The following MOBP variants were observed in gnomAD, a reference collection of about 807,000 sequenced individuals.
The protein encoded by MOBP is myelin associated oligodendrocyte basic protein.
Under a neutral mutation model 15.0 loss-of-function variants are expected in MOBP, and 5 were observed. The observed-to-expected ratio is 0.33, with a 90% CI of 0.17 to 0.70. The LOEUF is 0.70. MOBP is among the 30% of genes least tolerant of loss of function. MOBP has a pLI of 0.67. For missense variants in MOBP, 188 were observed against 257.8 expected (o/e 0.73, Z 1.85); for synonymous variants, 88 against 99.0 (o/e 0.89, Z 0.66).
At chr3:39,506,606 C>T (rs962249313), downstream of MOBP, among the ~76,000 whole-genome samples, 1 of 152,166 alleles carries the variant, frequency 6.6e-6, no homozygotes, top group African/African-American at 2.4e-5. Context: ...TATTTATACA[C>T]CAGTTCTCGT....
chr3:39,499,947 A>G (rs1310212389), intron 2 of MOBP: 1 of 446,216 alleles, frequency 2.2e-6, no homozygotes, highest in Non-Finnish European at 4.5e-6. Flanking sequence ...CTCTAGCCCA[A>G]CATATTGCCC....
At chr3:39,528,394 G>GGA (rs2043357241), downstream of MOBP, 2 of 151,800 alleles carry the variant, frequency 1.3e-5, no homozygotes, top group African/African-American at 2.4e-5. Flanking sequence ...TCAAGCTAGG[G>GGA]AAAAAAAATC....
chr3:39,514,968 G>A (rs1282051405), exon 5 of MOBP: 2 of 322 alleles, frequency 6.2e-3, no homozygotes, highest in African/African-American at 0.05. Flanking sequence ...GTGTGTGCGT[G>A]TGTGTGTGTG....
chr3:39,483,972 G>C (rs946411), intron 2 of MOBP, among the ~76,000 whole-genome samples: 2 of 152,142 alleles, frequency 1.3e-5, no homozygotes, highest in Non-Finnish European at 2.9e-5. Flanking sequence ...CAGTGTCAAC[G>C]TTCGTTCATT....
At chr3:39,473,547 A>G (rs1045221965) in intron 1 of MOBP, among the ~76,000 whole-genome samples, 2 of 152,102 alleles carry the variant, frequency 1.3e-5, no homozygotes, top group African/African-American at 4.8e-5. Flanking sequence ...CTGGTCCTGG[A>G]GGGATAAGGG....
intron 1 of MOBP, among the ~76,000 whole-genome samples, chr3:39,475,362 C>G (rs1433557709): frequency 6.6e-6 from 1 of 152,048 alleles, no homozygotes; most frequent in Non-Finnish European, 1.5e-5. Flanking sequence ...AGTGATTATT[C>G]TTTTCTTTTT....
intron 2 of MOBP, among the ~76,000 whole-genome samples, chr3:39,492,660 T>G (rs999006319): frequency 1.3e-5 from 2 of 152,214 alleles, no homozygotes; most frequent in African/African-American, 2.4e-5. Context: ...TGAAATTTCT[T>G]TCTTAAGTAT....
intron 2 of MOBP, among the ~76,000 whole-genome samples, chr3:39,484,653 G>T (rs1050411783): frequency 6.6e-6 from 1 of 152,178 alleles, no homozygotes; most frequent in Non-Finnish European, 1.5e-5. Context: ...AGGGTATCAT[G>T]TTATTTACAT....
At chr3:39,479,199 A>G (rs188499497) in intron 1 of MOBP, among the ~76,000 whole-genome samples, 7 of 152,244 alleles carry the variant, frequency 4.6e-5, no homozygotes, top group Non-Finnish European at 1.0e-4. Flanking sequence ...CAGAGGGGAG[A>G]AAAGAAACAT....
intron 2 of MOBP, among the ~76,000 whole-genome samples, chr3:39,500,873 C>T (rs977400776): frequency 6.6e-6 from 1 of 152,116 alleles, no homozygotes; most frequent in Non-Finnish European, 1.5e-5. Context: ...TACTTAATTA[C>T]ATAAAACTAT....
chr3:39,489,539 G>A (rs757739303), intron 2 of MOBP, among the ~76,000 whole-genome samples: 14 of 152,066 alleles, frequency 9.2e-5, no homozygotes, highest in Admixed American at 6.5e-5. Flanking sequence ...CCTGTCAGTG[G>A]GATCTATTGT....
At position 39,502,428 on chromosome 3, in the gene MOBP, G is replaced by C. The variant is rs533351708; in HGVS notation, c.207-107G>C. On this transcript the variant is annotated intron_variant, in intron 3 of 3. Coordinates refer to ENST00000684792, the MANE Select transcript of MOBP (RefSeq NM_001393704.1). This position sits in a 1 kb window ranked among gnomAD's most constrained non-coding sequence, Gnocchi z 6.3. ...AGGCACTCCAGGGAGACTGGAAGGT[G>C]GGTGGGGGAGCAGGGCCTTCCTACC... 2.0e-6 allele frequency: 3 copies of C among 1,522,658 alleles called. No homozygotes were observed. In the East Asian group the frequency reaches 7.3e-5, roughly 37 times the overall value. 94.3% of individuals were successfully genotyped at this position (1,522,658 alleles called of 1,614,324 possible). A position where few individuals can be genotyped will look rare whatever the true frequency, so the allele number is the denominator to read the frequency against.
At chr3:39,525,286 C>G (rs1456222461), downstream of MOBP, 1 of 152,120 alleles carries the variant, frequency 6.6e-6, no homozygotes, top group African/African-American at 2.4e-5. Flanking sequence ...AACAAAAATA[C>G]TTGTTTGGGT....
At chr3:39,501,037 G>C (rs2042962989) in intron 2 of MOBP, among the ~76,000 whole-genome samples, 1 of 152,140 alleles carries the variant, frequency 6.6e-6, no homozygotes, top group Non-Finnish European at 1.5e-5. Flanking sequence ...ATTTCTATTT[G>C]TAGTAGAAGA....
intron 1 of MOBP, among the ~76,000 whole-genome samples, chr3:39,471,587 G>C (rs2042470781): frequency 6.6e-6 from 1 of 152,068 alleles, no homozygotes; most frequent in South Asian, 2.1e-4. Context: ...ACTCCTCTTG[G>C]TATTTCAGTC....
At chr3:39,504,908 T>C (rs2043029613), downstream of MOBP, among the ~76,000 whole-genome samples, 2 of 152,262 alleles carry the variant, frequency 1.3e-5, no homozygotes, top group Non-Finnish European at 2.9e-5. Flanking sequence ...AGGTATTGCT[T>C]TTAGAGGTTA....
chr3:39,500,970 A>G (rs1287912050), intron 2 of MOBP, among the ~76,000 whole-genome samples: 4 of 152,252 alleles, frequency 2.6e-5, no homozygotes, highest in African/African-American at 7.2e-5. Flanking sequence ...GATGATCACA[A>G]ACAGAGGTGC....
intron 1 of MOBP, among the ~76,000 whole-genome samples, chr3:39,477,468 C>T (rs778494600): frequency 3.2e-4 from 49 of 151,722 alleles, no homozygotes; most frequent in Non-Finnish European, 3.5e-4. Context: ...ATCTACTGTG[C>T]TGCCAATTGT....
At chr3:39,471,416 A>G (rs1476397712) in intron 1 of MOBP, among the ~76,000 whole-genome samples, 5 of 152,208 alleles carry the variant, frequency 3.3e-5, no homozygotes, top group Non-Finnish European at 5.9e-5. Context: ...GACGTGAGCC[A>G]CTGCACCCAG....
Sources: gnomAD v4.1 joint callset for allele counts (sites outside exome capture counted in the v4.1 genomes callset) on GRCh38, gnomAD v4.1.1 for gene constraint, Gnocchi (gnomAD v3.1) non-coding constraint, MANE v1.5 for transcripts, NCBI Gene and HGNC (gene_info 2026-07-23, HGNC 2026-07-21) for gene names.